The following FSIP1 variants were observed in gnomAD, a reference collection of about 807,000 sequenced individuals.
FSIP1 encodes the protein fibrous sheath interacting protein 1.
Under a neutral mutation model 60.9 loss-of-function variants are expected in FSIP1, and 65 were observed. The ratio of observed to expected loss-of-function variants is 1.07; its 90% CI spans 0.87 to 1.31. FSIP1 has a LOEUF of 1.31. Ranked by LOEUF, FSIP1 falls within the 40% of genes most tolerant of loss-of-function variation. FSIP1 has a pLI of 0.00. For missense variants in FSIP1, 675 were observed against 665.5 expected, an observed-to-expected ratio of 1.01 and a Z score of -0.16; for synonymous variants, 209 against 221.2, an observed-to-expected ratio of 0.94 and a Z score of 0.49.
chr15:39,634,024 T>C (rs955804251), intron 10 of FSIP1, among the ~76,000 whole-genome samples: 1 of 152,010 alleles, frequency 6.6e-6, no homozygotes, highest in Non-Finnish European at 1.5e-5. Context: ...TGCCCCACCA[T>C]CCCTCATGTC....
intron 10 of FSIP1, among the ~76,000 whole-genome samples, chr15:39,682,398 C>T (rs1421277049): frequency 2.0e-5 from 3 of 152,132 alleles, no homozygotes; most frequent in South Asian, 2.1e-4. Context: ...CACACATTTG[C>T]TTTTAACACT....
intron 10 of FSIP1, among the ~76,000 whole-genome samples, chr15:39,653,766 G>A (rs574506492): frequency 6.6e-6 from 1 of 152,298 alleles, no homozygotes; most frequent in South Asian, 2.1e-4. Flanking sequence ...ATCCACGTAA[G>A]ATGAGACTTG....
intron 10 of FSIP1, among the ~76,000 whole-genome samples, chr15:39,689,003 G>A (rs756987061): frequency 6.6e-6 from 1 of 152,174 alleles, no homozygotes; most frequent in Non-Finnish European, 1.5e-5. Flanking sequence ...GAAGATGTCA[G>A]GTAGATACAT....
At chr15:39,644,872 A>T (rs911512506) in intron 10 of FSIP1, among the ~76,000 whole-genome samples, 2 of 152,256 alleles carry the variant, frequency 1.3e-5, no homozygotes, top group African/African-American at 2.4e-5. Context: ...CAAATTGCTG[A>T]TGTAAAATGG....
intron 10 of FSIP1, among the ~76,000 whole-genome samples, chr15:39,677,110 T>C (rs993963873): frequency 5.9e-5 from 9 of 152,214 alleles, no homozygotes; most frequent in Non-Finnish European, 8.8e-5. Flanking sequence ...AAATTCCTTG[T>C]TACAGAAATA....
chr15:39,761,326 T>C (rs1364401211), intron 5 of FSIP1, among the ~76,000 whole-genome samples: 2 of 152,202 alleles, frequency 1.3e-5, no homozygotes, highest in African/African-American at 2.4e-5. Context: ...AACCTAAGTA[T>C]CCACCAACAG....
At chr15:39,776,328 A>T in intron 2 of FSIP1, 71 bp downstream of exon 2, 1 of 1,456,916 alleles carries the variant, frequency 6.9e-7, no homozygotes, top group Non-Finnish European at 9.4e-7. Context: ...GGATGTTAAC[A>T]ACAACCTTAG....
At chr15:39,602,196 A>G (rs565651247) in intron 11 of FSIP1, among the ~76,000 whole-genome samples, 2 of 152,054 alleles carry the variant, frequency 1.3e-5, no homozygotes, top group East Asian at 3.9e-4. Flanking sequence ...GTTGTTATAC[A>G]AAAAAGACAG....
Position 39,687,235 on chromosome 15 carries a change from A to C in FSIP1, c.1188+26209T>G, listed in dbSNP as rs539062906. Among the ~76,000 whole-genome samples the C allele has an allele frequency of 5.2e-4, 72 of 139,092 alleles. No individual in the cohort carries two copies. The South Asian group carries it at 0.016, about 31-fold the overall frequency. The allele number at this position is 139,092 out of a possible 152,430, so 91.2% of individuals were successfully genotyped here. On this transcript the variant is annotated intron_variant, in intron 10 of 11. Coordinates refer to ENST00000350221, the MANE Select transcript of FSIP1 (RefSeq NM_152597.5). ...AATAGCGTGATCTTGGCTCAGTGCAACCTCTGCCTCCTGGGTTCAAGCAAT... is the reference window on the plus strand; with the variant it reads ...AATAGCGTGATCTTGGCTCAGTGCACCCTCTGCCTCCTGGGTTCAAGCAAT...
intron 10 of FSIP1, among the ~76,000 whole-genome samples, chr15:39,662,418 A>G (rs998500868): frequency 3.3e-5 from 5 of 152,136 alleles, no homozygotes; most frequent in African/African-American, 1.2e-4. Flanking sequence ...TTATAGTTCC[A>G]TTATCTACCC....
chr15:39,644,249 TCG>T (rs1892494734), intron 10 of FSIP1, among the ~76,000 whole-genome samples: 2 of 152,138 alleles, frequency 1.3e-5, no homozygotes, highest in South Asian at 4.2e-4. Flanking sequence ...ACACTTCCCC[TCG>T]CTACAGGAAA....
chr15:39,628,333 G>A (rs918469365), intron 10 of FSIP1, among the ~76,000 whole-genome samples: 1 of 152,202 alleles, frequency 6.6e-6, no homozygotes, highest in African/African-American at 2.4e-5. Flanking sequence ...CAGAAAGAAT[G>A]ACAAGCATGA....
At chr15:39,704,476 G>A (rs544877300) in intron 10 of FSIP1, among the ~76,000 whole-genome samples, 4 of 152,154 alleles carry the variant, frequency 2.6e-5, no homozygotes, top group Non-Finnish European at 5.9e-5. Flanking sequence ...TACATTTGTG[G>A]GTGGCCACAA....
intron 7 of FSIP1, among the ~76,000 whole-genome samples, chr15:39,738,454 A>G (rs1896694092): frequency 6.6e-6 from 1 of 152,230 alleles, no homozygotes; most frequent in Admixed American, 6.5e-5. Flanking sequence ...ATTAAAAAAT[A>G]ATATGAGCAG....
intron 2 of FSIP1, among the ~76,000 whole-genome samples, chr15:39,775,630 G>C (rs1294028848): frequency 2.0e-5 from 3 of 152,172 alleles, no homozygotes; most frequent in African/African-American, 7.2e-5. Context: ...CTGGTGGTAG[G>C]TGACTGAATC....
In FSIP1 at chr15:39,676,999, G is replaced by C. The variant is rs1322690887; in HGVS notation, c.1188+36445C>G. Among the ~76,000 whole-genome samples, 16 of 152,296 alleles carry C rather than the reference G, an allele frequency of 1.1e-4. 2 individuals carry two copies. The East Asian group carries it at 2.1e-3, about 20-fold the overall frequency. ...TAACTGTTGCAAGTGTCAGAGTAGT[G>C]TTCTATTTGTGAGTGGCAGAAAGTA... On this transcript the variant is annotated intron_variant, in intron 10 of 11. Coordinates refer to ENST00000350221, the MANE Select transcript of FSIP1 (RefSeq NM_152597.5).
Position 39,712,810 on chromosome 15 carries a change from G to T in FSIP1, c.1188+634C>A, listed in dbSNP as rs143725686. Reference sequence around the variant, plus strand: ...CTCATCAGGAATGACATGTCTTTATGTTGAGCAAGAAAAACATGAAGTAGG... The same window carrying T: ...CTCATCAGGAATGACATGTCTTTATTTTGAGCAAGAAAAACATGAAGTAGG... On this transcript the variant is annotated intron_variant, in intron 10 of 11. Coordinates refer to ENST00000350221, the MANE Select transcript of FSIP1 (RefSeq NM_152597.5). Among the ~76,000 whole-genome samples, 3 of 152,300 alleles carry T rather than the reference G, an allele frequency of 2.0e-5. No individual in the cohort carries two copies. The East Asian group carries it at 5.8e-4, about 29-fold the overall frequency.
At chr15:39,780,109 T>C (rs1260187070) in intron 1 of FSIP1, among the ~76,000 whole-genome samples, 1 of 152,220 alleles carries the variant, frequency 6.6e-6, no homozygotes, top group African/African-American at 2.4e-5. Flanking sequence ...TAATAGAGAC[T>C]TGCAGGTCTC....
chr15:39,718,544 G>A (rs1222307977), intron 9 of FSIP1, among the ~76,000 whole-genome samples: 1 of 147,456 alleles, frequency 6.8e-6, no homozygotes, highest in Non-Finnish European at 1.5e-5. Flanking sequence ...AGGCTGGAGT[G>A]CAGTGGCACA....
Sources: gnomAD v4.1 joint callset for allele counts (sites outside exome capture counted in the v4.1 genomes callset) on GRCh38, gnomAD v4.1.1 for gene constraint, MANE v1.5 for transcripts, NCBI Gene and HGNC (gene_info 2026-07-23, HGNC 2026-07-21) for gene names.